Variants in PIEZO2 observed in about 807,000 individuals in gnomAD.
PIEZO2 encodes piezo type mechanosensitive ion channel component 2.
PIEZO2 carries 172 observed loss-of-function variants against 337.3 expected under a neutral mutation model. That is an observed-to-expected ratio of 0.51 (90% CI 0.45 to 0.58). PIEZO2 has a LOEUF of 0.58. Ranked by LOEUF, PIEZO2 falls within the 20% of genes least tolerant of loss-of-function variation. The probability of loss-of-function intolerance (pLI) is 0.00; values close to 1 mark genes in which losing one functional copy is unlikely to be tolerated. For missense variants in PIEZO2, 3,028 were observed against 3,391.3 expected, an observed-to-expected ratio of 0.89 and a Z score of 2.66; for synonymous variants, 1,251 against 1,228.5, an observed-to-expected ratio of 1.02 and a Z score of -0.38.
At chr18:10,751,733 G>T (rs2037653179) in intron 28 of PIEZO2, among the ~76,000 whole-genome samples, 1 of 152,192 alleles carries the variant, frequency 6.6e-6, no homozygotes, top group Non-Finnish European at 1.5e-5. Flanking sequence ...TACAGCCTGG[G>T]AGACTGAGAC....
chr18:10,726,810 T>TG lies in PIEZO2; in HGVS notation c.5029+4596dup, dbSNP rs1053125237. 98 of 1,563,066 alleles carry TG rather than the reference T, an allele frequency of 6.3e-5. No homozygotes were observed. The African/African-American group carries it at 1.2e-3, about 19-fold the overall frequency. ...AGGATGTGGACCACCTGCGGCCCCA[T>TG]GGGGTGCTGGATAATACCCGGATGC... On this transcript the variant is annotated intron_variant, in intron 36 of 55. Transcript: ENST00000674853. This position sits in a 1 kb window ranked among gnomAD's most constrained non-coding sequence, Gnocchi z 5.9.
intron 2 of PIEZO2, among the ~76,000 whole-genome samples, chr18:10,985,301 T>C (rs750799202): frequency 6.6e-6 from 1 of 152,058 alleles, no homozygotes; most frequent in Non-Finnish European, 1.5e-5. Context: ...ATAGAAAAGA[T>C]GTAAATTGTG....
rs975586847 is a variant in PIEZO2 at position 10,854,338 on chromosome 18, A to T, written c.917+1015T>A. On this transcript the variant is annotated intron_variant, in intron 7 of 55. Transcript: ENST00000674853. This position sits in a 1 kb window ranked among gnomAD's most constrained non-coding sequence, Gnocchi z 4.6. ...TTGATCACACCTTTGGAAAGATGTT[A>T]TTTTTTTTCTTTGCAATTAGCAAGC... 2.0e-5 allele frequency among the ~76,000 whole-genome samples: 3 copies of T among 151,938 alleles called. No individual in the cohort carries two copies. The highest frequency in any genetic ancestry group is 7.3e-5 in the African/African-American group (3 of 41,340).
chr18:10,726,547 A>C lies in PIEZO2; in HGVS notation c.5029+4860T>G. ...CTGCGCTGCTCTGCTCTGCTACACC[A>C]GCCGCCACGCTGTGCGTCTGTCCTT... On this transcript the variant is annotated intron_variant, in intron 36 of 55. Transcript: ENST00000674853. The surrounding 1 kb of genome is among the most constrained non-coding windows in gnomAD (Gnocchi z 5.9). 2 of 1,424,078 alleles carry C rather than the reference A, an allele frequency of 1.4e-6. No individual in the cohort carries two copies. The highest frequency in any genetic ancestry group is 1.9e-6 in the Non-Finnish European group (2 of 1,075,670). 88.2% of individuals were successfully genotyped at this position (1,424,078 alleles called of 1,614,324 possible).
intron 2 of PIEZO2, among the ~76,000 whole-genome samples, chr18:11,025,123 A>G (rs2145733516): frequency 6.6e-6 from 1 of 152,190 alleles, no homozygotes; most frequent in East Asian, 1.9e-4. Flanking sequence ...AACTGCTTAC[A>G]TTCATCTCTG....
At chr18:11,137,354 C>T (rs549624358) in intron 1 of PIEZO2, among the ~76,000 whole-genome samples, 8 of 152,048 alleles carry the variant, frequency 5.3e-5, no homozygotes, top group Non-Finnish European at 8.8e-5. Context: ...AATTCCGGCC[C>T]GTAGGTTAAA....
intron 37 of PIEZO2, 38 bp downstream of exon 37, chr18:10,718,162 A>C: frequency 6.6e-7 from 1 of 1,505,562 alleles, no homozygotes; most frequent in South Asian, 1.2e-5. Flanking sequence ...TATCATTTTC[A>C]AAGTTCCCAC....
chr18:10,715,942 T>C (rs2143887954), intron 37 of PIEZO2, 126 bp from the exon 38 acceptor site: 5 of 735,316 alleles, frequency 6.8e-6, no homozygotes, highest in Middle Eastern at 3.9e-4. Flanking sequence ...ATAAGGCATG[T>C]GACTCAGATA....
intron 39 of PIEZO2, among the ~76,000 whole-genome samples, chr18:10,714,219 T>C (rs1598390373): frequency 6.6e-6 from 1 of 152,208 alleles, no homozygotes; most frequent in Admixed American, 6.5e-5. Flanking sequence ...TGCTTAGTGC[T>C]GGCCCCTGGC....
At chr18:10,814,558 T>C (rs1450264801) in intron 7 of PIEZO2, among the ~76,000 whole-genome samples, 11 of 152,254 alleles carry the variant, frequency 7.2e-5, no homozygotes, top group Admixed American at 6.5e-4. Flanking sequence ...CTACAGACAC[T>C]AGACTCAAAA....
intron 5 of PIEZO2, among the ~76,000 whole-genome samples, chr18:10,866,470 A>G (rs2042009289): frequency 6.6e-6 from 1 of 152,092 alleles, no homozygotes; most frequent in South Asian, 2.1e-4. Context: ...TATTTTTAGT[A>G]GAGACAGGGT....
chr18:11,001,667 C>T lies in PIEZO2; in HGVS notation c.161-22007G>A, dbSNP rs929675439. ...CTGAGGTGGGCGGATCATCTGAGGT[C>T]GGGAGTTCGAGACCAACCTGGCTAA... On this transcript the variant is annotated intron_variant, in intron 2 of 55. Transcript: ENST00000674853. The surrounding 1 kb of genome is among the most constrained non-coding windows in gnomAD (Gnocchi z 5.3). Among the ~76,000 whole-genome samples, 1 of 151,914 alleles carries T rather than the reference C, an allele frequency of 6.6e-6. No homozygotes were observed. Among genetic ancestry groups the T allele is most frequent in the African/African-American group, 2.4e-5 (1 of 41,328 alleles).
chr18:11,122,998 C>CT (rs201674903), intron 1 of PIEZO2, among the ~76,000 whole-genome samples: 1 of 151,004 alleles, frequency 6.6e-6, no homozygotes, highest in South Asian at 2.1e-4. Context: ...TAATGTGCGG[C>CT]TTTTTCCCAA....
At chr18:10,885,112 G>A (rs1225464551) in intron 4 of PIEZO2, among the ~76,000 whole-genome samples, 1 of 152,138 alleles carries the variant, frequency 6.6e-6, no homozygotes, top group Non-Finnish European at 1.5e-5. Context: ...CACCACACGT[G>A]TGTGGCAAGC....
At chr18:11,066,363 A>C in intron 1 of PIEZO2, 141 bp from the exon 2 acceptor site, 3 of 616,254 alleles carry the variant, frequency 4.9e-6, no homozygotes, top group Non-Finnish European at 8.5e-6. Flanking sequence ...TCAATTAAAC[A>C]GTAATAAATT....
intron 1 of PIEZO2, among the ~76,000 whole-genome samples, chr18:11,091,182 A>G (rs778698407): frequency 8.6e-5 from 13 of 151,944 alleles, no homozygotes; most frequent in Non-Finnish European, 1.8e-4. Context: ...TCAGGAGTTG[A>G]AGAACAGCCT....
intron 49 of PIEZO2, among the ~76,000 whole-genome samples, chr18:10,684,547 T>G (rs2034459650): frequency 6.7e-6 from 1 of 148,364 alleles, no homozygotes; most frequent in African/African-American, 2.5e-5. Context: ...TCACTGCAAC[T>G]TCCACCACCT....
intron 43 of PIEZO2, 159 bp downstream of exon 43, chr18:10,701,826 TTCTC>T (rs1196343785): frequency 3.2e-5 from 16 of 493,920 alleles, no homozygotes; most frequent in East Asian, 2.5e-4. Flanking sequence ...CCTTTTTCTT[TTCTC>T]TCTCTTTTTT....
chr18:10,874,434 C>T (rs2042219552), intron 4 of PIEZO2, among the ~76,000 whole-genome samples: 1 of 152,110 alleles, frequency 6.6e-6, no homozygotes, highest in Admixed American at 6.6e-5. Flanking sequence ...AATAGAACTA[C>T]CATATGATCC....
Sources: gnomAD v4.1 joint callset for allele counts (sites outside exome capture counted in the v4.1 genomes callset) on GRCh38, gnomAD v4.1.1 for gene constraint, Gnocchi (gnomAD v3.1) non-coding constraint, MANE v1.5 for transcripts, NCBI Gene and HGNC (gene_info 2026-07-23, HGNC 2026-07-21) for gene names.